Variants in DSCAM observed in about 807,000 individuals in gnomAD.
The protein encoded by DSCAM is cell adhesion molecule DSCAM.
DSCAM carries 47 observed loss-of-function variants against 217.7 expected under a neutral mutation model. That is an observed-to-expected ratio of 0.22 (90% CI 0.17 to 0.28). The LOEUF is 0.28. DSCAM is among the 10% of genes least tolerant of loss of function. The pLI is 1.00. For missense variants in DSCAM, 2,080 were observed against 2,618.3 expected (o/e 0.79, Z 4.49); for synonymous variants, 1,056 against 1,015.3 (o/e 1.04, Z -0.76).
intron 1 of DSCAM, among the ~76,000 whole-genome samples, chr21:40,782,031 C>T (rs970721264): frequency 2.7e-5 from 4 of 149,264 alleles, no homozygotes; most frequent in African/African-American, 7.4e-5. Flanking sequence ...ATTAGCCAGG[C>T]GCAATGGCGG....
At position 40,638,620 on chromosome 21, in the gene DSCAM, G is replaced by A. The variant is rs2178846; in HGVS notation, c.508+54190C>T. ...TCTTGCATTCCCTGATTTCAAGCAC[G>A]GCGAGGCTGGGGCTGTAATTACGGA... On this transcript the variant is annotated intron_variant, in intron 3 of 32. Transcript: ENST00000400454. 6.6e-5 allele frequency among the ~76,000 whole-genome samples: 10 copies of A among 152,236 alleles called. No individual in the cohort carries two copies. In the East Asian group the frequency reaches 1.4e-3, roughly 21 times the overall value.
intron 3 of DSCAM, among the ~76,000 whole-genome samples, chr21:40,426,324 C>G (rs2075474734): frequency 6.6e-6 from 1 of 152,218 alleles, no homozygotes; most frequent in Non-Finnish European, 1.5e-5. Flanking sequence ...TGTTGGAAAA[C>G]CTGTGCTGCT....
At chr21:40,050,197 A>C (rs971926658) in intron 30 of DSCAM, among the ~76,000 whole-genome samples, 3 of 152,190 alleles carry the variant, frequency 2.0e-5, no homozygotes, top group African/African-American at 7.2e-5. Flanking sequence ...TGATATTTAA[A>C]TAGGCACCAG....
At chr21:40,318,899 G>A (rs1361719126) in intron 8 of DSCAM, among the ~76,000 whole-genome samples, 3 of 152,166 alleles carry the variant, frequency 2.0e-5, no homozygotes, top group Non-Finnish European at 4.4e-5. Flanking sequence ...AAAAAGGCAA[G>A]AGTGAGCCAG....
At chr21:40,763,391 G>A (rs566406002) in intron 1 of DSCAM, among the ~76,000 whole-genome samples, 1 of 152,236 alleles carries the variant, frequency 6.6e-6, no homozygotes, top group African/African-American at 2.4e-5. Context: ...TACAAGGGAT[G>A]CGATAAGACC....
intron 11 of DSCAM, among the ~76,000 whole-genome samples, chr21:40,275,575 G>T (rs549923153): frequency 6.6e-6 from 1 of 152,118 alleles, no homozygotes; most frequent in Non-Finnish European, 1.5e-5. Context: ...GGCCAGCAGC[G>T]CCAGCATTAA....
chr21:40,020,132 T>C (rs1217669113), intron 32 of DSCAM, among the ~76,000 whole-genome samples: 2 of 152,194 alleles, frequency 1.3e-5, no homozygotes, highest in African/African-American at 4.8e-5. Flanking sequence ...CCCCATACTG[T>C]TCTCATGGTA....
chr21:40,231,065 TG>T (rs1285231922), intron 11 of DSCAM, among the ~76,000 whole-genome samples: 4 of 141,922 alleles, frequency 2.8e-5, no homozygotes, highest in African/African-American at 1.1e-4. Flanking sequence ...AGGGCTGGAG[TG>T]GGAAGGAATT....
rs539248962 is a variant in DSCAM at position 40,789,978 on chromosome 21, T to C, written c.43+56641A>G. Among the ~76,000 whole-genome samples the C allele has an allele frequency of 4.0e-4, 61 of 152,270 alleles. 1 individual carries two copies. The highest frequency in any genetic ancestry group is 2.5e-3 in the Admixed American group (38 of 15,282). ...ACAAAGTCTATATGGCTCTGATTGG[T>C]GGCTTTGCCAATTTAGCGGAAATAG... On this transcript the variant is annotated intron_variant, in intron 1 of 32. Transcript: ENST00000400454.
chr21:40,671,505 C>CCG (rs2090273702), intron 3 of DSCAM, among the ~76,000 whole-genome samples: 1 of 151,578 alleles, frequency 6.6e-6, no homozygotes, highest in African/African-American at 2.4e-5. Flanking sequence ...GAAACTCCCC[C>CCG]CCCGCACCGT....
At chr21:40,828,493 G>A (rs2091987464) in intron 1 of DSCAM, among the ~76,000 whole-genome samples, 1 of 152,038 alleles carries the variant, frequency 6.6e-6, no homozygotes, top group Admixed American at 6.5e-5. Context: ...CCACCCATGA[G>A]CTGTCATGGA....
chr21:40,046,887 G>C (rs2088851147), intron 30 of DSCAM, among the ~76,000 whole-genome samples: 1 of 151,634 alleles, frequency 6.6e-6, no homozygotes, highest in Non-Finnish European at 1.5e-5. Context: ...CCAATGGTGG[G>C]GCAAAGATCT....
intron 3 of DSCAM, among the ~76,000 whole-genome samples, chr21:40,512,548 T>C (rs898830055): frequency 3.9e-5 from 6 of 152,150 alleles, no homozygotes; most frequent in Admixed American, 6.5e-5. Flanking sequence ...TGCGGCATTG[T>C]TCTGTCTCCA....
At chr21:40,612,668 G>C (rs1280503276) in intron 3 of DSCAM, among the ~76,000 whole-genome samples, 1 of 152,184 alleles carries the variant, frequency 6.6e-6, no homozygotes, top group East Asian at 1.9e-4. Context: ...TTGTTATACA[G>C]CATGAGGATG....
chr21:40,599,761 C>A (rs754605368), intron 3 of DSCAM, among the ~76,000 whole-genome samples: 6 of 151,934 alleles, frequency 3.9e-5, no homozygotes, highest in Non-Finnish European at 8.8e-5. Context: ...CAATAAAACA[C>A]GATAAAGGGG....
At chr21:40,146,835 C>G (rs2090363217) in intron 16 of DSCAM, among the ~76,000 whole-genome samples, 1 of 152,138 alleles carries the variant, frequency 6.6e-6, no homozygotes, top group Admixed American at 6.5e-5. Context: ...TGAGCTATGG[C>G]TTTTCTCACT....
chr21:40,627,369 C>G (rs1048484584), intron 3 of DSCAM, among the ~76,000 whole-genome samples: 1 of 152,200 alleles, frequency 6.6e-6, no homozygotes, highest in Non-Finnish European at 1.5e-5. Context: ...ATGAAAACCA[C>G]AAGGGCAAAT....
Position 40,304,643 on chromosome 21 carries a change from C to A in DSCAM, c.2062+7438G>T, listed in dbSNP as rs563656786. 2.4e-3 allele frequency among the ~76,000 whole-genome samples: 363 copies of A among 152,314 alleles called. 4 individuals are homozygous for A. The highest frequency in any genetic ancestry group is 8.0e-3 in the African/African-American group (333 of 41,570). On this transcript the variant is annotated intron_variant, in intron 9 of 32. Coordinates refer to ENST00000400454, the MANE Select transcript of DSCAM (RefSeq NM_001389.5). ...GAGAGATGTGCAATGAATGATTCCT[C>A]CTCTCACTGAAACACCGGAGACTGT...
intron 3 of DSCAM, among the ~76,000 whole-genome samples, chr21:40,568,449 T>G (rs1378389472): frequency 6.6e-6 from 1 of 152,224 alleles, no homozygotes; most frequent in African/African-American, 2.4e-5. Flanking sequence ...GGGTGTTTTT[T>G]GTCCTTCCCA....
Sources: allele counts gnomAD v4.1 joint callset (sites outside exome capture counted in the v4.1 genomes callset), GRCh38; gene constraint gnomAD v4.1.1; transcripts MANE v1.5; gene names NCBI Gene and HGNC (gene_info 2026-07-23, HGNC 2026-07-21).